The following KANK1 variants were observed in gnomAD, a reference collection of about 807,000 sequenced individuals.
The protein encoded by KANK1 is KN motif and ankyrin repeat domains 1.
A neutral mutation model predicts 106.2 loss-of-function variants in KANK1; 109 were observed. The observed-to-expected ratio is 1.03, with a 90% CI of 0.88 to 1.20. The LOEUF is 1.20. KANK1 is among the 50% of genes most tolerant of loss of function. KANK1 has a pLI of 0.00. For synonymous variants in KANK1, 873 were observed against 652.2 expected, an observed-to-expected ratio of 1.34 and a Z score of -5.16; for missense variants, 2,399 against 1,710.7, an observed-to-expected ratio of 1.40 and a Z score of -7.10.
chr9:685,112 A>T (rs955780016), intron 2 of KANK1, among the ~76,000 whole-genome samples: 4 of 152,190 alleles, frequency 2.6e-5, no homozygotes, highest in African/African-American at 9.7e-5. Flanking sequence ...TCATTTCCAC[A>T]TGCTTTAGGA....
intron 1 of KANK1, among the ~76,000 whole-genome samples, chr9:590,953 T>C (rs1824719825): frequency 1.3e-5 from 2 of 151,832 alleles, no homozygotes. Flanking sequence ...CCATCACCAG[T>C]ATGCGAGAGG....
intron 5 of KANK1, chr9:731,774 C>T (rs1359346688): frequency 6.5e-6 from 1 of 153,940 alleles, no homozygotes; most frequent in Non-Finnish European, 1.4e-5. Flanking sequence ...TGTTCCTTCT[C>T]TTTGCATTGG....
intron 2 of KANK1, among the ~76,000 whole-genome samples, chr9:686,259 G>A (rs992767097): frequency 1.3e-5 from 2 of 152,070 alleles, no homozygotes; most frequent in African/African-American, 4.8e-5. Context: ...GCATTTTTAG[G>A]TGGATTGACT....
chr9:664,793 C>T lies in KANK1; in HGVS notation c.-83-12097C>T, dbSNP rs551461507. Among the ~76,000 whole-genome samples the T allele has an allele frequency of 2.8e-3, 429 of 152,314 alleles. 3 individuals carry two copies. The highest frequency in any genetic ancestry group is 1.0e-2 in the African/African-American group (414 of 41,546). On this transcript the variant is annotated intron_variant, in intron 1 of 11. Transcript: ENST00000382297. ...CTGTACTAATTTACATTCCCACCAA[C>T]AATGTGTGAGGATTTTTCTTTCTCT...
At chr9:473,059 C>T (rs1040629588) in intron 2 of KANK1, 1 of 152,196 alleles carries the variant, frequency 6.6e-6, no homozygotes, top group Non-Finnish European at 1.5e-5. Flanking sequence ...TTTTATATAG[C>T]AATAGGTAAC....
At chr9:719,441 A>C (rs763808052) in intron 3 of KANK1, among the ~76,000 whole-genome samples, 17 of 152,196 alleles carry the variant, frequency 1.1e-4, no homozygotes, top group Non-Finnish European at 2.2e-4. Flanking sequence ...TCAGAATGTC[A>C]AGCTGAAAAT....
intron 1 of KANK1, among the ~76,000 whole-genome samples, chr9:512,297 T>C (rs376324589): frequency 1.3e-4 from 20 of 151,664 alleles, no homozygotes; most frequent in South Asian, 4.2e-4. Context: ...AATTGACTTA[T>C]TCAGTTTGGA....
At chr9:517,275 T>C (rs2059325098) in intron 1 of KANK1, among the ~76,000 whole-genome samples, 1 of 151,510 alleles carries the variant, frequency 6.6e-6, no homozygotes, top group Admixed American at 6.6e-5. Flanking sequence ...AGCTAATTTT[T>C]GTAGTTTGAG....
At position 694,860 on chromosome 9, in the gene KANK1, T is replaced by A. The variant is rs150507649; in HGVS notation, c.38-15944T>A. 1.5e-3 allele frequency among the ~76,000 whole-genome samples: 231 copies of A among 152,222 alleles called. 2 individuals carry two copies. The highest frequency in any genetic ancestry group is 5.0e-3 in the African/African-American group (209 of 41,508). On this transcript the variant is annotated intron_variant, in intron 2 of 11. Coordinates refer to ENST00000382297, the MANE Select transcript of KANK1 (RefSeq NM_015158.5). The stretch of plus-strand genomic sequence containing the variant: ...TGGAAAGGTGCTGCTGAGTGGGACG[T>A]GCAGAGGGGAAGACTGCAGGCTCTG...
chr9:614,655 C>G (rs1362277817), intron 1 of KANK1, among the ~76,000 whole-genome samples: 2 of 152,060 alleles, frequency 1.3e-5, no homozygotes. Context: ...ACATGACTGC[C>G]CAGTAACACT....
intron 1 of KANK1, among the ~76,000 whole-genome samples, chr9:538,620 G>C (rs555851632): frequency 6.6e-6 from 1 of 152,198 alleles, no homozygotes; most frequent in Non-Finnish European, 1.5e-5. Context: ...CAACAGCGTG[G>C]TGCTATCTAG....
At chr9:605,608 C>A (rs1396953935) in intron 1 of KANK1, among the ~76,000 whole-genome samples, 3 of 151,794 alleles carry the variant, frequency 2.0e-5, no homozygotes, top group South Asian at 2.1e-4. Context: ...CCTGTAATCT[C>A]TTCTGTACAG....
rs35296364 is a variant in KANK1, at chr9:525,350, C to CGTGTGTGTGTGTGT, written c.-84+20617_-84+20630dup. On this transcript the variant is annotated intron_variant, in intron 1 of 11. Transcript: ENST00000382297. Reference sequence around the variant, plus strand: ...ATTTCTGACAGAATATGTATACATACGTGTGTGTGTGTGTGTGTGTGTGTG... The same window carrying CGTGTGTGTGTGTGT: ...ATTTCTGACAGAATATGTATACATACGTGTGTGTGTGTGTGTGTGTGTGTGTGTGTGTGTGTGTG... Among the ~76,000 whole-genome samples, 782 of 140,544 alleles carry CGTGTGTGTGTGTGT rather than the reference C, an allele frequency of 5.6e-3. 26 individuals carry two copies. Among genetic ancestry groups the CGTGTGTGTGTGTGT allele is most frequent in the African/African-American group, 0.02 (741 of 36,284 alleles). The allele number at this position is 140,544 out of a possible 152,430, so 92.2% of individuals were successfully genotyped here.
At chr9:487,742 C>G (rs750268717) in intron 3 of KANK1, 2 of 152,190 alleles carry the variant, frequency 1.3e-5, no homozygotes, top group Non-Finnish European at 2.9e-5. Flanking sequence ...GATTGGAGTA[C>G]TTAATGGTGG....
intron 1 of KANK1, among the ~76,000 whole-genome samples, chr9:591,024 C>G (rs1323789108): frequency 6.6e-6 from 1 of 151,694 alleles, no homozygotes; most frequent in Admixed American, 6.6e-5. Flanking sequence ...ACAAAAAAAC[C>G]TTACCAGTTT....
chr9:639,757 A>T (rs1231642872), intron 1 of KANK1, among the ~76,000 whole-genome samples: 1 of 152,196 alleles, frequency 6.6e-6, no homozygotes, highest in African/African-American at 2.4e-5. Flanking sequence ...AGCAGCATAA[A>T]TTTATTGCTC....
chr9:515,917 T>A (rs578245181), intron 1 of KANK1, among the ~76,000 whole-genome samples: 10 of 151,962 alleles, frequency 6.6e-5, no homozygotes, highest in Non-Finnish European at 1.3e-4. Flanking sequence ...TTATTTCCTG[T>A]TGACATTTTG....
chr9:618,517 A>T (rs182059280), intron 1 of KANK1, among the ~76,000 whole-genome samples: 15 of 152,198 alleles, frequency 9.9e-5, no homozygotes, highest in African/African-American at 3.4e-4. Flanking sequence ...CCCAGATTAC[A>T]TTTTTAAAAT....
chr9:619,607 A>G (rs947482429), intron 1 of KANK1, among the ~76,000 whole-genome samples: 2 of 152,190 alleles, frequency 1.3e-5, no homozygotes, highest in Non-Finnish European at 2.9e-5. Context: ...AGTGATAAAG[A>G]TAAGTGATGA....
Sources: gnomAD v4.1 joint callset for allele counts (sites outside exome capture counted in the v4.1 genomes callset) on GRCh38, gnomAD v4.1.1 for gene constraint, MANE v1.5 for transcripts, NCBI Gene and HGNC (gene_info 2026-07-23, HGNC 2026-07-21) for gene names.